The following PLD5 variants were observed in gnomAD, a reference collection of about 807,000 sequenced individuals.
PLD5 encodes the protein inactive phospholipase D5.
In PLD5, 36 loss-of-function variants were observed where a neutral mutation model predicts 61.1. That is an observed-to-expected ratio of 0.59 (90% CI 0.45 to 0.78). The LOEUF is 0.78. Ranked by LOEUF, PLD5 falls within the 30% of genes least tolerant of loss-of-function variation. The pLI is 0.00. For synonymous variants in PLD5, 243 were observed against 242.8 expected, an observed-to-expected ratio of 1.00 and a Z score of -0.01; for missense variants, 515 against 644.4, an observed-to-expected ratio of 0.80 and a Z score of 2.17.
At chr1:242,149,739 T>C (rs1480808953) in intron 5 of PLD5, among the ~76,000 whole-genome samples, 3 of 151,694 alleles carry the variant, frequency 2.0e-5, no homozygotes, top group Non-Finnish European at 4.4e-5. Flanking sequence ...ATCTGTTTCA[T>C]CTAAATCATC....
At chr1:242,349,033 G>A (rs1419033203) in intron 1 of PLD5, among the ~76,000 whole-genome samples, 2 of 152,154 alleles carry the variant, frequency 1.3e-5, no homozygotes, top group Non-Finnish European at 2.9e-5. Context: ...CAGCCTGGGT[G>A]ACAGAGCGAG....
At chr1:242,193,831 T>C (rs1320857480) in intron 5 of PLD5, among the ~76,000 whole-genome samples, 2 of 152,148 alleles carry the variant, frequency 1.3e-5, no homozygotes, top group South Asian at 2.1e-4. Flanking sequence ...GAGGATCAGA[T>C]AAATTAATGC....
intron 1 of PLD5, among the ~76,000 whole-genome samples, chr1:242,378,136 T>C (rs1662070920): frequency 6.6e-6 from 1 of 152,104 alleles, no homozygotes; most frequent in East Asian, 1.9e-4. Flanking sequence ...GATGAATGGA[T>C]CGACAAAATG....
chr1:242,160,891 TAATAATTAAAA>T (rs1665771004), intron 5 of PLD5, among the ~76,000 whole-genome samples: 1 of 151,684 alleles, frequency 6.6e-6, no homozygotes, highest in Admixed American at 6.6e-5. Context: ...TCTCAAAAAA[TAATAATTAAAA>T]AAAGTTTATT....
At chr1:242,247,956 G>A (rs1314863774) in intron 4 of PLD5, among the ~76,000 whole-genome samples, 1 of 152,156 alleles carries the variant, frequency 6.6e-6, no homozygotes, top group East Asian at 1.9e-4. Flanking sequence ...TCCCAACTGA[G>A]TCTTGTCTTC....
At chr1:242,204,016 C>G (rs1253512664) in intron 5 of PLD5, among the ~76,000 whole-genome samples, 4 of 151,354 alleles carry the variant, frequency 2.6e-5, no homozygotes, top group African/African-American at 9.7e-5. Context: ...GCAGGTGGGT[C>G]ATGAGGTCAG....
chr1:242,093,017 T>C (rs188215322), intron 9 of PLD5, among the ~76,000 whole-genome samples: 2 of 152,260 alleles, frequency 1.3e-5, no homozygotes, highest in African/African-American at 4.8e-5. Context: ...GCCCCCTCAA[T>C]AAACAGCACA....
chr1:242,395,005 GAA>G (rs1491529806), intron 1 of PLD5, among the ~76,000 whole-genome samples: 1 of 70,374 alleles, frequency 1.4e-5, no homozygotes, highest in Non-Finnish European at 3.3e-5. Flanking sequence ...ATGTATATAT[GAA>G]TATATATGAA....
chr1:242,278,195 T>C lies in PLD5; in HGVS notation c.495+10167A>G, dbSNP rs1381527988. On this transcript the variant is annotated intron_variant, in intron 3 of 9. Coordinates refer to ENST00000536534, the MANE Select transcript of PLD5 (RefSeq NM_001372062.1). ...AAGGAAAAAATCTGACCTATTCGAGTGAAAGTACCAAAAAAAATGGTCATA... is the reference window on the plus strand; with the variant it reads ...AAGGAAAAAATCTGACCTATTCGAGCGAAAGTACCAAAAAAAATGGTCATA... Among the ~76,000 whole-genome samples, 6 of 151,382 alleles carry C rather than the reference T, an allele frequency of 4.0e-5. No homozygotes were observed. The South Asian group carries it at 6.2e-4, about 16-fold the overall frequency.
chr1:242,188,136 TA>T (rs1418374687), intron 5 of PLD5, among the ~76,000 whole-genome samples: 2 of 152,066 alleles, frequency 1.3e-5, no homozygotes, highest in Non-Finnish European at 2.9e-5. Context: ...GGACTAGAAT[TA>T]TGGGATGCAA....
chr1:242,117,590 A>G (rs1229744852), intron 6 of PLD5, among the ~76,000 whole-genome samples: 11 of 152,106 alleles, frequency 7.2e-5, no homozygotes. Flanking sequence ...CATCTTGGCC[A>G]GGCTGGTCTT....
intron 4 of PLD5, among the ~76,000 whole-genome samples, chr1:242,257,542 C>A (rs547528164): frequency 3.9e-5 from 6 of 152,048 alleles, no homozygotes; most frequent in Non-Finnish European, 8.8e-5. Flanking sequence ...CAATAAGGAG[C>A]GATCTACCGT....
At chr1:242,114,047 A>G in intron 6 of PLD5, 21 bp from the exon 7 acceptor site, 6 of 1,609,322 alleles carry the variant, frequency 3.7e-6, no homozygotes, top group Non-Finnish European at 5.1e-6. Flanking sequence ...ACAAAAGCCA[A>G]ACTTTTAGCG....
chr1:242,204,619 A>G (rs1669203327), intron 5 of PLD5, among the ~76,000 whole-genome samples: 2 of 152,148 alleles, frequency 1.3e-5, no homozygotes, highest in African/African-American at 4.8e-5. Context: ...CTAGTCATCA[A>G]CTCAAATGGC....
intron 4 of PLD5, among the ~76,000 whole-genome samples, chr1:242,257,636 C>T (rs549892970): frequency 6.6e-6 from 1 of 152,226 alleles, no homozygotes; most frequent in South Asian, 2.1e-4. Flanking sequence ...AGTGCTCTCA[C>T]CACAAAAAAT....
intron 1 of PLD5, among the ~76,000 whole-genome samples, chr1:242,405,991 T>C (rs1209019740): frequency 6.6e-6 from 1 of 152,204 alleles, no homozygotes; most frequent in Non-Finnish European, 1.5e-5. Context: ...CAGCTGCAAT[T>C]GTGTTTCTCT....
intron 4 of PLD5, among the ~76,000 whole-genome samples, chr1:242,229,644 T>A (rs1433493371): frequency 6.6e-6 from 1 of 152,214 alleles, no homozygotes; most frequent in Non-Finnish European, 1.5e-5. Flanking sequence ...TTATCATGAA[T>A]GGAACAGCTT....
At chr1:242,105,292 C>T (rs980977389) in intron 8 of PLD5, among the ~76,000 whole-genome samples, 2 of 151,318 alleles carry the variant, frequency 1.3e-5, no homozygotes, top group African/African-American at 2.4e-5. Context: ...GGTGCAATCT[C>T]GGCTCACTGC....
Position 242,394,743 on chromosome 1 carries a change from TGTGA to T in PLD5, c.190-46505_190-46502del, listed in dbSNP as rs1420495848. On this transcript the variant is annotated intron_variant, in intron 1 of 9. Coordinates refer to ENST00000536534, the MANE Select transcript of PLD5 (RefSeq NM_001372062.1). ...ATATGTGAACATATATGTGTATATA[TGTGA>T]ACATATATGTGTATATATGTGAATA... Among the ~76,000 whole-genome samples, 30 of 76,958 alleles carry T rather than the reference TGTGA, an allele frequency of 3.9e-4. 8 individuals are homozygous for T. Among genetic ancestry groups the T allele is most frequent in the Non-Finnish European group, 5.1e-4 (22 of 43,352 alleles). 50.5% of individuals were successfully genotyped at this position (76,958 alleles called of 152,430 possible).
Sources: gnomAD v4.1 joint callset for allele counts (sites outside exome capture counted in the v4.1 genomes callset) on GRCh38, gnomAD v4.1.1 for gene constraint, MANE v1.5 for transcripts, NCBI Gene and HGNC (gene_info 2026-07-23, HGNC 2026-07-21) for gene names.